KLF8: variants seen among roughly 807,000 people sequenced by gnomAD.
KLF8 encodes KLF transcription factor 8, also known as Krueppel-like factor 8.
In KLF8, 10 loss-of-function variants were observed where a neutral mutation model predicts 18.2. The observed-to-expected ratio is 0.55, with a 90% CI of 0.34 to 0.93. The LOEUF is 0.93. Among genes scored for constraint, KLF8 ranks in the 40% least tolerant of loss-of-function variants. The pLI is 0.02. For missense variants in KLF8, 264 were observed against 277.9 expected (o/e 0.95, Z 0.36); for synonymous variants, 109 against 97.3 (o/e 1.12, Z -0.71).
chrX:56,162,724 G>A, the KLF8 span, among the ~76,000 whole-genome samples: 4 of 111,400 alleles, frequency 3.6e-5, no homozygotes, highest in Non-Finnish European at 7.5e-5. Flanking sequence ...TCCTGGGTGA[G>A]GTGATGCCTC....
chrX:56,118,521 T>C, the KLF8 span, among the ~76,000 whole-genome samples: 1 of 111,208 alleles, frequency 9.0e-6, no homozygotes, highest in Non-Finnish European at 1.9e-5. Flanking sequence ...TACTACAATG[T>C]TTGTATGAGA....
At chrX:56,185,193 C>T in the KLF8 span, among the ~76,000 whole-genome samples, 3 of 111,983 alleles carry the variant, frequency 2.7e-5, no homozygotes, top group Non-Finnish European at 3.8e-5. Flanking sequence ...GCGGATGGAG[C>T]TGAAAGCCAA....
the KLF8 span, among the ~76,000 whole-genome samples, chrX:56,155,755 A>G: frequency 9.0e-6 from 1 of 111,556 alleles, no homozygotes; most frequent in Non-Finnish European, 1.9e-5. Flanking sequence ...TACAAATCCC[A>G]TCACCCTGAT....
chrX:56,234,813 T>G (rs893431296), intron 1 of KLF8, among the ~76,000 whole-genome samples: 2 of 112,500 alleles, frequency 1.8e-5, no homozygotes, highest in Non-Finnish European at 3.8e-5. Context: ...CTTTGGTGAC[T>G]GCTGGGGACA....
chrX:56,136,289 A>G, the KLF8 span, among the ~76,000 whole-genome samples: 3 of 111,648 alleles, frequency 2.7e-5, no homozygotes, highest in African/African-American at 9.8e-5. Context: ...AAGAGCCCGC[A>G]TCGCCAAGTC....
chrX:55,965,722 G>A, the KLF8 span, among the ~76,000 whole-genome samples: 17 of 112,118 alleles, frequency 1.5e-4, no homozygotes, highest in Non-Finnish European at 1.9e-4. Context: ...AAAATTAATA[G>A]GATTTCTATA....
chrX:56,095,694 T>C, the KLF8 span, among the ~76,000 whole-genome samples: 17 of 110,738 alleles, frequency 1.5e-4, no homozygotes, highest in African/African-American at 5.6e-4. Flanking sequence ...CTAAGAAACA[T>C]AAAAAATCCT....
At chrX:56,064,639 G>A in the KLF8 span, among the ~76,000 whole-genome samples, 1 of 110,841 alleles carries the variant, frequency 9.0e-6, no homozygotes, top group Non-Finnish European at 1.9e-5. Flanking sequence ...TTTCTGTAGT[G>A]GTACCATTTC....
chrX:56,214,335 T>C, the KLF8 span, among the ~76,000 whole-genome samples: 1 of 112,535 alleles, frequency 8.9e-6, no homozygotes, highest in East Asian at 2.8e-4. Flanking sequence ...CTCCTGTCCC[T>C]ATCACTGTTT....
At chrX:56,247,314 A>G (rs1402822909) in intron 1 of KLF8, among the ~76,000 whole-genome samples, 3 of 111,789 alleles carry the variant, frequency 2.7e-5, no homozygotes, top group African/African-American at 9.7e-5. Flanking sequence ...GTGTACCTGA[A>G]CACCACTTAA....
At chrX:56,269,591 A>G (rs2067023983) in intron 4 of KLF8, 102 bp downstream of exon 4, 1 of 1,032,611 alleles carries the variant, frequency 9.7e-7, no homozygotes, top group African/African-American at 1.9e-5. Flanking sequence ...ATCAGACACA[A>G]GAGTAAGAAT....
the KLF8 span, among the ~76,000 whole-genome samples, chrX:56,070,072 T>TA: frequency 9.8e-5 from 11 of 111,997 alleles, no homozygotes. Flanking sequence ...TATGCAGCCA[T>TA]AAAAAAGAAT....
chrX:56,098,325 C>T, the KLF8 span, among the ~76,000 whole-genome samples: 2 of 111,732 alleles, frequency 1.8e-5, no homozygotes, highest in Non-Finnish European at 3.8e-5. Context: ...TTTATAGCAA[C>T]ACAAACCAAC....
the KLF8 span, among the ~76,000 whole-genome samples, chrX:56,075,096 C>A: frequency 2.7e-5 from 3 of 110,425 alleles, no homozygotes; most frequent in African/African-American, 9.8e-5. Context: ...TTTAGGTCTT[C>A]TTTAATTTTT....
chrX:56,166,724 T>C, the KLF8 span, among the ~76,000 whole-genome samples: 1 of 112,019 alleles, frequency 8.9e-6, no homozygotes, highest in Admixed American at 9.5e-5. Context: ...TGTAGGAAAC[T>C]GTCAGACAGA....
the KLF8 span, among the ~76,000 whole-genome samples, chrX:55,971,449 T>C: frequency 9.0e-6 from 1 of 110,888 alleles, no homozygotes; most frequent in African/African-American, 3.3e-5. Context: ...GACCTCAAAC[T>C]ATGAAACTAG....
the KLF8 span, among the ~76,000 whole-genome samples, chrX:55,991,310 C>T: frequency 6.2e-5 from 7 of 112,161 alleles, no homozygotes; most frequent in East Asian, 2.8e-4. Flanking sequence ...AAGCCACGTG[C>T]GGGATATAAT....
the KLF8 span, among the ~76,000 whole-genome samples, chrX:56,013,692 G>A: frequency 9.0e-6 from 1 of 111,092 alleles, no homozygotes; most frequent in Non-Finnish European, 1.9e-5. Flanking sequence ...TTTCTAACGG[G>A]CTTCCCCCTC....
chrX:56,080,727 A>G, the KLF8 span, among the ~76,000 whole-genome samples: 1 of 111,607 alleles, frequency 9.0e-6, no homozygotes, highest in African/African-American at 3.3e-5. Context: ...TCTCCTGGAT[A>G]ATATCCTGCA....
Sources: allele counts gnomAD v4.1 joint callset (sites outside exome capture counted in the v4.1 genomes callset), GRCh38; gene constraint gnomAD v4.1.1; transcripts MANE v1.5; gene names NCBI Gene and HGNC (gene_info 2026-07-23, HGNC 2026-07-21).